Variants in RPSA2 observed in about 807,000 individuals in gnomAD.
RPSA2 encodes the protein small ribosomal subunit protein uS2B.
At chr19:23,780,535 TG>T in the RPSA2 span, among the ~76,000 whole-genome samples, 1 of 151,996 alleles carries the variant, frequency 6.6e-6, no homozygotes, top group Non-Finnish European at 1.5e-5. Context: ...CCCAGCCACT[TG>T]GGAGGCTGAG....
the RPSA2 span, among the ~76,000 whole-genome samples, chr19:23,806,069 G>C: frequency 9.7e-5 from 12 of 124,056 alleles, no homozygotes; most frequent in African/African-American, 3.2e-4. Flanking sequence ...TTTTGAGACG[G>C]AACCTCACTC....
At chr19:23,764,907 C>G in the RPSA2 span, among the ~76,000 whole-genome samples, 1 of 152,076 alleles carries the variant, frequency 6.6e-6, no homozygotes, top group Non-Finnish European at 1.5e-5. Context: ...AATTACAGGG[C>G]CTTTACAGCA....
the RPSA2 span, among the ~76,000 whole-genome samples, chr19:23,773,198 G>A: frequency 7.0e-3 from 1,060 of 151,752 alleles, 14 homozygotes; most frequent in African/African-American, 0.024. Flanking sequence ...CCAGGTGCAC[G>A]CCATTGTTCT....
At chr19:23,863,349 A>T in the RPSA2 span, among the ~76,000 whole-genome samples, 1 of 152,166 alleles carries the variant, frequency 6.6e-6, no homozygotes, top group Non-Finnish European at 1.5e-5. Context: ...GGATCACCTA[A>T]GGTCAAGAGT....
At chr19:23,846,465 T>G in the RPSA2 span, among the ~76,000 whole-genome samples, 3 of 152,332 alleles carry the variant, frequency 2.0e-5, no homozygotes, top group African/African-American at 7.2e-5. Context: ...AAGGCCTGTT[T>G]TATACTTTTA....
chr19:23,852,638 G>T, the RPSA2 span, among the ~76,000 whole-genome samples: 2 of 152,196 alleles, frequency 1.3e-5, no homozygotes, highest in Non-Finnish European at 2.9e-5. Flanking sequence ...GGTGGGCCAG[G>T]TGTTCCTTGC....
At chr19:23,826,151 A>G in the RPSA2 span, among the ~76,000 whole-genome samples, 27 of 151,788 alleles carry the variant, frequency 1.8e-4, no homozygotes, top group East Asian at 4.3e-3. Context: ...ATCTTAACAC[A>G]TATTAAACAA....
At chr19:23,770,167 T>C in the RPSA2 span, among the ~76,000 whole-genome samples, 21 of 29,788 alleles carry the variant, frequency 7.0e-4, no homozygotes, top group Non-Finnish European at 1.3e-3. Flanking sequence ...CTCTCTTGCA[T>C]GGGCCCTCCC....
At chr19:23,790,658 G>C in the RPSA2 span, 326,378 of 330,042 alleles carry the variant, frequency 0.99, 161,496 homozygotes, top group East Asian at 1. Flanking sequence ...AGCTCCAGGT[G>C]TCGTCTTCAC....
chr19:23,796,350 A>G, the RPSA2 span, among the ~76,000 whole-genome samples: 1 of 151,246 alleles, frequency 6.6e-6, no homozygotes, highest in Non-Finnish European at 1.5e-5. Context: ...CTTTTTTGAT[A>G]TGCTGCTAAA....
the RPSA2 span, among the ~76,000 whole-genome samples, chr19:23,860,633 A>G: frequency 6.6e-6 from 1 of 152,200 alleles, no homozygotes; most frequent in East Asian, 1.9e-4. Flanking sequence ...ATGAGACAAG[A>G]AAGGAGCCAG....
chr19:23,862,880 TTTTC>T, the RPSA2 span, among the ~76,000 whole-genome samples: 21 of 151,772 alleles, frequency 1.4e-4, no homozygotes, highest in Non-Finnish European at 1.5e-4. Flanking sequence ...CTACATCTCT[TTTTC>T]TTTCTTTCTT....
chr19:23,859,287 C>G, the RPSA2 span, among the ~76,000 whole-genome samples: 1 of 152,188 alleles, frequency 6.6e-6, no homozygotes, highest in Non-Finnish European at 1.5e-5. Context: ...TTCTTGTTTC[C>G]CTACACTTAC....
At chr19:23,818,791 C>T in the RPSA2 span, 2 of 152,570 alleles carry the variant, frequency 1.3e-5, no homozygotes, top group African/African-American at 4.8e-5. Flanking sequence ...ACATGAACCT[C>T]CAACTAGGTT....
the RPSA2 span, among the ~76,000 whole-genome samples, chr19:23,813,232 CAAA>C: frequency 8.3e-6 from 1 of 121,018 alleles, no homozygotes; most frequent in Non-Finnish European, 1.7e-5. Flanking sequence ...GACCCTGTCT[CAAA>C]AAAAAAAAAA....
the RPSA2 span, among the ~76,000 whole-genome samples, chr19:23,806,155 C>T: frequency 6.6e-6 from 1 of 151,300 alleles, no homozygotes; most frequent in Admixed American, 6.6e-5. Context: ...AGCAATTCTC[C>T]TGCCTCAGCT....
At chr19:23,778,978 C>CG in the RPSA2 span, among the ~76,000 whole-genome samples, 1 of 135,498 alleles carries the variant, frequency 7.4e-6, no homozygotes, top group African/African-American at 2.7e-5. Context: ...GCCTTCTGCT[C>CG]AGTGATTTTT....
the RPSA2 span, among the ~76,000 whole-genome samples, chr19:23,761,909 T>TTCCTCCCTTCCTCCC: frequency 2.7e-5 from 1 of 37,382 alleles, no homozygotes; most frequent in Admixed American, 3.3e-4. Flanking sequence ...TAATTCTTTC[T>TTCCTCCCTTCCTCCC]TTCTTTCTTT....
chr19:23,834,694 A>G, the RPSA2 span, among the ~76,000 whole-genome samples: 3 of 152,082 alleles, frequency 2.0e-5, no homozygotes, highest in East Asian at 5.8e-4. Flanking sequence ...TCAATTCCAC[A>G]TTTTTAACAT....
Sources: gnomAD v4.1 joint callset for allele counts (sites outside exome capture counted in the v4.1 genomes callset) on GRCh38, gnomAD v4.1.1 for gene constraint, MANE v1.5 for transcripts, NCBI Gene and HGNC (gene_info 2026-07-23, HGNC 2026-07-21) for gene names.